ST3GAL1: variants seen among roughly 807,000 people sequenced by gnomAD.
The protein encoded by ST3GAL1 is CMP-N-acetylneuraminate-beta-galactosamide-alpha-2,3-sialyltransferase 1.
In ST3GAL1, 16 loss-of-function variants were observed where a neutral mutation model predicts 34.1. The observed-to-expected ratio is 0.47, with a 90% CI of 0.32 to 0.71. The LOEUF is 0.71. Among genes scored for constraint, ST3GAL1 ranks in the 30% least tolerant of loss-of-function variants. ST3GAL1 has a pLI of 0.04. For synonymous variants in ST3GAL1, 191 were observed against 184.7 expected (o/e 1.03, Z -0.28); for missense variants, 353 against 447.4 (o/e 0.79, Z 1.90).
Position 133,464,760 on chromosome 8 carries a change from G to C in ST3GAL1, c.683+18C>G. The stretch of plus-strand genomic sequence containing the variant: ...GCAAGGGGCAGAGCAGCGAGGCGGG[G>C]CCACAGGAGGGACTCACTGGGAAAT... On this transcript the variant is annotated intron_variant, in intron 7 of 9. Transcript: ENST00000522652. 1 of 1,605,100 alleles carries C rather than the reference G, an allele frequency of 6.2e-7. No individual in the cohort carries two copies. Among genetic ancestry groups the C allele is most frequent in the Non-Finnish European group, 8.5e-7 (1 of 1,174,074 alleles).
rs1815743870 is a variant in ST3GAL1 at position 133,466,640 on chromosome 8, C to T, written c.307-550G>A. 6.6e-6 allele frequency among the ~76,000 whole-genome samples: 1 copy of T among 152,220 alleles called. No individual in the cohort carries two copies. Among genetic ancestry groups the T allele is most frequent in the Non-Finnish European group, 1.5e-5 (1 of 68,030 alleles). On this transcript the variant is annotated intron_variant, in intron 5 of 9. Transcript: ENST00000522652. This position sits in a 1 kb window ranked among gnomAD's most constrained non-coding sequence, Gnocchi z 4.4. ...GGAAATGCCAGTTCTCCAGCCCCGG[C>T]CAGGGATGGGGGACAGAGCAGTAGG... is the stretch of plus-strand genomic sequence containing the variant.
At chr8:133,543,497 T>G (rs1818592379) in intron 2 of ST3GAL1, among the ~76,000 whole-genome samples, 1 of 152,130 alleles carries the variant, frequency 6.6e-6, no homozygotes, top group African/African-American at 2.4e-5. Context: ...ATGAACATAA[T>G]AAAATGCGAA....
intron 1 of ST3GAL1, among the ~76,000 whole-genome samples, chr8:133,561,108 C>CTTTTTTTT (rs765993286): frequency 1.4e-4 from 15 of 106,204 alleles, no homozygotes; most frequent in Non-Finnish European, 1.7e-4. Context: ...CCAGAGCCAT[C>CTTTTTTTT]TTTTTTTTTT....
At chr8:133,482,601 C>T (rs1007899364) in intron 3 of ST3GAL1, among the ~76,000 whole-genome samples, 4 of 152,238 alleles carry the variant, frequency 2.6e-5, no homozygotes, top group East Asian at 3.8e-4. Context: ...CAGGCCAGCT[C>T]TGCACAGACA....
chr8:133,460,790 G>C (rs1348058537), intron 9 of ST3GAL1, among the ~76,000 whole-genome samples: 1 of 152,142 alleles, frequency 6.6e-6, no homozygotes, highest in Non-Finnish European at 1.5e-5. Flanking sequence ...ATGTGAGTTG[G>C]GTCTTGGAAA....
At chr8:133,500,001 CG>C (rs1817096835) in intron 2 of ST3GAL1, among the ~76,000 whole-genome samples, 1 of 152,144 alleles carries the variant, frequency 6.6e-6, no homozygotes, top group African/African-American at 2.4e-5. Flanking sequence ...AACAGAGAGA[CG>C]TGAATCTAAG....
At chr8:133,549,455 A>G (rs546570022) in intron 1 of ST3GAL1, among the ~76,000 whole-genome samples, 2 of 152,148 alleles carry the variant, frequency 1.3e-5, no homozygotes, top group South Asian at 2.1e-4. Context: ...TTAAACATGG[A>G]GCCCTGCTCT....
rs112708766 is a variant in ST3GAL1, at chr8:133,535,525, A to AT, written c.-429+10248dup. The stretch of plus-strand genomic sequence containing the variant: ...TTTTTTAGCAAGAAAGTATTTTTTA[A>AT]TTTTTTTTTTTAGAAACAAGGTCTC... On this transcript the variant is annotated intron_variant, in intron 2 of 9. Coordinates refer to ENST00000522652, the MANE Select transcript of ST3GAL1 (RefSeq NM_173344.3). Among the ~76,000 whole-genome samples the AT allele has an allele frequency of 1.1e-3, 162 of 144,964 alleles. 4 individuals carry two copies. Among genetic ancestry groups the AT allele is most frequent in the African/African-American group, 4.2e-3 (153 of 36,752 alleles).
At chr8:133,549,857 G>C (rs1818792152) in intron 1 of ST3GAL1, among the ~76,000 whole-genome samples, 1 of 152,172 alleles carries the variant, frequency 6.6e-6, no homozygotes, top group African/African-American at 2.4e-5. Context: ...AGCTACTCAG[G>C]AGGCTGAGGC....
intron 2 of ST3GAL1, among the ~76,000 whole-genome samples, chr8:133,529,528 G>T (rs938119206): frequency 6.6e-6 from 1 of 152,284 alleles, no homozygotes. Flanking sequence ...GAGCTAACAT[G>T]GAATATCAAG....
chr8:133,510,616 CTAAT>C (rs1817476038), intron 2 of ST3GAL1, among the ~76,000 whole-genome samples: 1 of 152,000 alleles, frequency 6.6e-6, no homozygotes, highest in South Asian at 2.1e-4. Context: ...CATTAATTAA[CTAAT>C]TAGTGCCACT....
At chr8:133,501,740 A>G (rs1361121552) in intron 2 of ST3GAL1, among the ~76,000 whole-genome samples, 1 of 120,934 alleles carries the variant, frequency 8.3e-6, no homozygotes, top group Non-Finnish European at 1.7e-5. Context: ...CAAGAGTGAA[A>G]CTCCGTCTCA....
intron 2 of ST3GAL1, among the ~76,000 whole-genome samples, chr8:133,502,582 C>A (rs780869633): frequency 9.2e-5 from 14 of 152,192 alleles, no homozygotes; most frequent in Non-Finnish European, 1.8e-4. Flanking sequence ...CTTCCAGCTT[C>A]CAGATCTGTG....
chr8:133,470,618 C>T (rs1283148358), intron 5 of ST3GAL1, among the ~76,000 whole-genome samples: 2 of 152,158 alleles, frequency 1.3e-5, no homozygotes, highest in Non-Finnish European at 2.9e-5. Context: ...GGCCTCGGGT[C>T]AGCTTCCCTG....
At chr8:133,541,096 C>CATATATATATATATATATATAT (rs780797700) in intron 2 of ST3GAL1, among the ~76,000 whole-genome samples, 3 of 37,206 alleles carry the variant, frequency 8.1e-5, no homozygotes, top group African/African-American at 3.4e-4. Flanking sequence ...TATATATAAA[C>CATATATATATATATATATATAT]ATATATATAT....
intron 8 of ST3GAL1, 29 bp from the exon 9 acceptor site, chr8:133,462,023 G>T: frequency 1.2e-6 from 2 of 1,613,736 alleles, no homozygotes; most frequent in Non-Finnish European, 8.5e-7. Flanking sequence ...ACGGCCCTTA[G>T]TGAGTTCTGG....
chr8:133,476,377 GAAGAT>G lies in ST3GAL1; in HGVS notation c.-155_-151del, dbSNP rs1029712663. 6 of 193,294 alleles carry G rather than the reference GAAGAT, an allele frequency of 3.1e-5. No individual in the cohort carries two copies. The South Asian group carries it at 5.7e-4, about 18-fold the overall frequency. The allele number at this position is 193,294 out of a possible 1,614,324, so 12.0% of individuals were successfully genotyped here. ...CCAGTGATTTCCTTTCACATCCAAA[GAAGAT>G]AAGGGGTCATTAATCTCTGTGACAG... On this transcript the variant is annotated 5_prime_UTR_variant, in exon 4 of 10. It removes the in-frame stop codon of an upstream open reading frame in the 5' UTR. Transcript: ENST00000522652.
At chr8:133,479,274 C>T (rs905981641) in intron 3 of ST3GAL1, among the ~76,000 whole-genome samples, 1 of 152,032 alleles carries the variant, frequency 6.6e-6, no homozygotes, top group African/African-American at 2.4e-5. Flanking sequence ...GGGCCCCAGA[C>T]CCTGTGGAGC....
chr8:133,566,497 C>T (rs1165882232), intron 1 of ST3GAL1, among the ~76,000 whole-genome samples: 1 of 152,126 alleles, frequency 6.6e-6, no homozygotes, highest in Non-Finnish European at 1.5e-5. Flanking sequence ...CCCAAGAATC[C>T]TCTCCCTTAA....
Sources: gnomAD v4.1 joint callset for allele counts (sites outside exome capture counted in the v4.1 genomes callset) on GRCh38, gnomAD v4.1.1 for gene constraint, Gnocchi (gnomAD v3.1) non-coding constraint, MANE v1.5 for transcripts, NCBI Gene and HGNC (gene_info 2026-07-23, HGNC 2026-07-21) for gene names.